FDFT1: variants seen among roughly 807,000 people sequenced by gnomAD.
FDFT1 encodes the protein squalene synthase.
Under a neutral mutation model 46.8 loss-of-function variants are expected in FDFT1, and 68 were observed. The ratio of observed to expected loss-of-function variants is 1.45; its 90% CI spans 1.19 to 1.78. FDFT1 has a LOEUF of 1.78. FDFT1 is among the 40% of genes most tolerant of loss of function. The pLI is 0.00. For synonymous variants in FDFT1, 351 were observed against 185.1 expected (o/e 1.90, Z -7.28); for missense variants, 928 against 524.4 (o/e 1.77, Z -7.52).
intron 7 of FDFT1, among the ~76,000 whole-genome samples, chr8:11,832,571 AAAAAAG>A: frequency 1.3e-5 from 2 of 149,140 alleles, no homozygotes; most frequent in African/African-American, 2.4e-5. Context: ...AAAAAAAAAA[AAAAAAG>A]TCTTAGAGAC....
At position 11,826,612 on chromosome 8, in the gene FDFT1, G is replaced by C. The variant is rs570300803; in HGVS notation, c.702+397G>C. 3.3e-5 allele frequency among the ~76,000 whole-genome samples: 5 copies of C among 152,160 alleles called. No individual in the cohort carries two copies. In the East Asian group the frequency reaches 9.7e-4, roughly 29 times the overall value. ...GCGGATCACCTGAGGCCAGGAGTTC[G>C]AGACCAGCCTGGCCAACATCGTGAA... On this transcript the variant is annotated intron_variant, in intron 5 of 7. Transcript: ENST00000220584.
At chr8:11,800,444 C>A (rs1387705971), upstream of FDFT1, among the ~76,000 whole-genome samples, 1 of 152,008 alleles carries the variant, frequency 6.6e-6, no homozygotes, top group Non-Finnish European at 1.5e-5. Flanking sequence ...TGTCTAGTTT[C>A]CATTGGCTGG....
chr8:11,810,933 T>TAAAAAAAAAAAAAAA (rs71539744), intron 3 of FDFT1, among the ~76,000 whole-genome samples: 1 of 89,448 alleles, frequency 1.1e-5, no homozygotes, highest in Non-Finnish European at 2.1e-5. Context: ...GAGCAATATT[T>TAAAAAAAAAAAAAAA]AAAAAAAAAA....
intron 1 of FDFT1, chr8:11,808,300 A>T: frequency 2.4e-6 from 3 of 1,225,118 alleles, no homozygotes; most frequent in Non-Finnish European, 3.0e-6. Context: ...GGGTTCCCTT[A>T]GCGGCCAGTG....
chr8:11,828,168 G>C (rs950778960), intron 5 of FDFT1, among the ~76,000 whole-genome samples: 3 of 152,042 alleles, frequency 2.0e-5, no homozygotes, highest in Non-Finnish European at 2.9e-5. Context: ...CACCCCTATA[G>C]TTCTCGCTCC....
Position 11,826,538 on chromosome 8 carries a change from G to A in FDFT1, c.702+323G>A, listed in dbSNP as rs186110178. On this transcript the variant is annotated intron_variant, in intron 5 of 7. Transcript: ENST00000220584. ...CTTAGGAATGGCTTTGTTCGGCCTG[G>A]CGCAGTGGCTCATGCCTGTAATCCC... Among the ~76,000 whole-genome samples, 17 of 152,324 alleles carry A rather than the reference G, an allele frequency of 1.1e-4. No individual in the cohort carries two copies. The East Asian group carries it at 3.1e-3, about 28-fold the overall frequency.
chr8:11,831,094 C>T (rs964102247), intron 6 of FDFT1, among the ~76,000 whole-genome samples: 5 of 152,146 alleles, frequency 3.3e-5, no homozygotes, highest in African/African-American at 1.2e-4. Context: ...CTCCCCCTGG[C>T]ATTGGTTTTA....
At chr8:11,797,556 A>G (rs1805685821), upstream of FDFT1, among the ~76,000 whole-genome samples, 1 of 146,044 alleles carries the variant, frequency 6.8e-6, no homozygotes, top group African/African-American at 2.5e-5. Flanking sequence ...CTACTAGGGA[A>G]GCTGAGATGG....
intron 3 of FDFT1, among the ~76,000 whole-genome samples, chr8:11,811,723 A>G (rs908237698): frequency 2.0e-5 from 3 of 152,260 alleles, no homozygotes; most frequent in Admixed American, 6.5e-5. Context: ...TGCCCCGGGA[A>G]GAGTAAAAGG....
intron 5 of FDFT1, among the ~76,000 whole-genome samples, chr8:11,829,259 G>C (rs926598579): frequency 1.3e-5 from 2 of 152,144 alleles, no homozygotes; most frequent in African/African-American, 4.8e-5. Flanking sequence ...TTATTCAGTG[G>C]CATTAAGTAC....
chr8:11,802,561 C>A (rs957057701), upstream of FDFT1: 2 of 603,708 alleles, frequency 3.3e-6, no homozygotes, highest in African/African-American at 1.8e-5. Flanking sequence ...ACGCCAGTCT[C>A]CTTCCGCGAC....
intron 7 of FDFT1, among the ~76,000 whole-genome samples, chr8:11,832,833 CTCA>C (rs1811025499): frequency 6.6e-6 from 1 of 152,130 alleles, no homozygotes; most frequent in African/African-American, 2.4e-5. Context: ...ATACAAGACC[CTCA>C]TCATTTTTCC....
At chr8:11,825,602 C>A (rs1809852908) in intron 4 of FDFT1, among the ~76,000 whole-genome samples, 1 of 150,192 alleles carries the variant, frequency 6.7e-6, no homozygotes, top group Non-Finnish European at 1.5e-5. Flanking sequence ...CCTACAATCC[C>A]AGCTGTTCGG....
intron 5 of FDFT1, among the ~76,000 whole-genome samples, chr8:11,828,817 C>T (rs1013380759): frequency 6.6e-6 from 1 of 152,242 alleles, no homozygotes; most frequent in African/African-American, 2.4e-5. Flanking sequence ...AGGGCTCCTC[C>T]ATGCTGGGGC....
At chr8:11,833,602 A>C (rs1479303152) in intron 7 of FDFT1, among the ~76,000 whole-genome samples, 1 of 152,166 alleles carries the variant, frequency 6.6e-6, no homozygotes, top group Non-Finnish European at 1.5e-5. Flanking sequence ...GTTGTAATTC[A>C]TAGTTTGAGG....
At chr8:11,825,632 T>G (rs764473161) in intron 4 of FDFT1, among the ~76,000 whole-genome samples, 44 of 151,278 alleles carry the variant, frequency 2.9e-4, no homozygotes, top group African/African-American at 1.0e-3. Context: ...GCAGAAAGAT[T>G]GCTTGGGTCC....
intron 7 of FDFT1, among the ~76,000 whole-genome samples, chr8:11,835,298 G>C (rs1201517972): frequency 1.3e-5 from 2 of 152,286 alleles, no homozygotes; most frequent in East Asian, 3.9e-4. Flanking sequence ...ATGGAGAGTG[G>C]GGTTTGGTCT....
chr8:11,811,861 G>C (rs544989484), intron 3 of FDFT1, among the ~76,000 whole-genome samples: 2 of 152,310 alleles, frequency 1.3e-5, no homozygotes, highest in East Asian at 1.9e-4. Flanking sequence ...TTGAGTTGTA[G>C]GTCCCTCCAG....
intron 7 of FDFT1, 176 bp downstream of exon 7, chr8:11,831,846 G>C (rs1810849628): frequency 1.7e-6 from 1 of 605,660 alleles, no homozygotes; most frequent in South Asian, 2.0e-5. Flanking sequence ...GAGCCGAGCA[G>C]ATTGCTCACT....
Sources: allele counts gnomAD v4.1 joint callset (sites outside exome capture counted in the v4.1 genomes callset), GRCh38; gene constraint gnomAD v4.1.1; transcripts MANE v1.5; gene names NCBI Gene and HGNC (gene_info 2026-07-23, HGNC 2026-07-21).